Variants in KIAA1217 observed in about 807,000 individuals in gnomAD.
KIAA1217 encodes the protein sickle tail protein homolog.
A neutral mutation model predicts 163.9 loss-of-function variants in KIAA1217; 88 were observed. The ratio of observed to expected loss-of-function variants is 0.54; its 90% CI spans 0.45 to 0.64. The LOEUF (loss-of-function observed/expected upper bound fraction) is 0.64, where lower values mean the gene tolerates loss of function less well. Among genes scored for constraint, KIAA1217 ranks in the 30% least tolerant of loss-of-function variants. KIAA1217 has a pLI of 0.00. For missense variants in KIAA1217, 2,372 were observed against 2,475.0 expected, an observed-to-expected ratio of 0.96 and a Z score of 0.88; for synonymous variants, 903 against 923.1, an observed-to-expected ratio of 0.98 and a Z score of 0.39.
At chr10:23,927,267 T>C (rs1843061284) in intron 1 of KIAA1217, among the ~76,000 whole-genome samples, 1 of 152,026 alleles carries the variant, frequency 6.6e-6, no homozygotes, top group Non-Finnish European at 1.5e-5. Context: ...CTATAAGTTA[T>C]TTCTGTTCCA....
intron 2 of KIAA1217, among the ~76,000 whole-genome samples, chr10:24,176,651 C>G (rs1217362466): frequency 6.6e-6 from 1 of 152,262 alleles, no homozygotes; most frequent in Non-Finnish European, 1.5e-5. Flanking sequence ...GACTCAGGAG[C>G]CCAGCTGGCT....
intron 3 of KIAA1217, among the ~76,000 whole-genome samples, chr10:24,408,307 A>T (rs2057422498): frequency 6.6e-6 from 1 of 152,172 alleles, no homozygotes; most frequent in Non-Finnish European, 1.5e-5. Context: ...AAAATAAATC[A>T]TGAGCTATCA....
At chr10:24,324,776 A>G (rs1314940318) in intron 2 of KIAA1217, among the ~76,000 whole-genome samples, 1 of 152,120 alleles carries the variant, frequency 6.6e-6, no homozygotes, top group Non-Finnish European at 1.5e-5. Context: ...TGTGATGTTA[A>G]TACTTGTCTG....
At chr10:24,214,657 G>A (rs2068584878) in intron 1 of KIAA1217, among the ~76,000 whole-genome samples, 2 of 152,000 alleles carry the variant, frequency 1.3e-5, no homozygotes, top group South Asian at 2.1e-4. Context: ...TCTCTGCCAC[G>A]GTACACCCAG....
chr10:23,946,736 G>C (rs528070015), intron 1 of KIAA1217, among the ~76,000 whole-genome samples: 2 of 152,218 alleles, frequency 1.3e-5, no homozygotes, highest in African/African-American at 4.8e-5. Flanking sequence ...CTTTCTGATA[G>C]GTAAAACATT....
chr10:24,135,523 G>A (rs912222879), intron 2 of KIAA1217, among the ~76,000 whole-genome samples: 8 of 151,884 alleles, frequency 5.3e-5, no homozygotes, highest in Admixed American at 2.6e-4. Flanking sequence ...TAATGGGGAG[G>A]AGACATGCCA....
At chr10:23,803,365 G>T (rs1299314761) in intron 1 of KIAA1217, among the ~76,000 whole-genome samples, 1 of 152,194 alleles carries the variant, frequency 6.6e-6, no homozygotes, top group Non-Finnish European at 1.5e-5. Flanking sequence ...TCCCAGAAGG[G>T]GTTATGCCCC....
intron 2 of KIAA1217, among the ~76,000 whole-genome samples, chr10:24,329,907 A>G (rs2045436602): frequency 6.6e-6 from 1 of 152,178 alleles, no homozygotes; most frequent in African/African-American, 2.4e-5. Flanking sequence ...GAAATTATGG[A>G]AAATGGAGGC....
chr10:24,243,359 A>G (rs1006778686), intron 2 of KIAA1217, among the ~76,000 whole-genome samples: 1 of 152,086 alleles, frequency 6.6e-6, no homozygotes, highest in Non-Finnish European at 1.5e-5. Flanking sequence ...TAGTGCACCC[A>G]TTATTCAACT....
intron 1 of KIAA1217, among the ~76,000 whole-genome samples, chr10:23,855,800 G>T (rs901269326): frequency 1.4e-4 from 22 of 151,902 alleles, no homozygotes; most frequent in African/African-American, 5.3e-4. Context: ...CCAGTTGATC[G>T]CATCGGCTCC....
At chr10:23,751,326 C>T (rs1234682398) in intron 1 of KIAA1217, among the ~76,000 whole-genome samples, 1 of 152,046 alleles carries the variant, frequency 6.6e-6, no homozygotes, top group Non-Finnish European at 1.5e-5. Context: ...CCGTGCCTGG[C>T]GAGAATTTTC....
At chr10:24,333,008 A>G (rs1431107082) in intron 2 of KIAA1217, among the ~76,000 whole-genome samples, 2 of 152,048 alleles carry the variant, frequency 1.3e-5, no homozygotes, top group African/African-American at 4.8e-5. Context: ...AGGGCAGAGT[A>G]TGTACTGTTT....
chr10:24,107,982 G>A (rs2062696782), intron 2 of KIAA1217, among the ~76,000 whole-genome samples: 1 of 152,160 alleles, frequency 6.6e-6, no homozygotes, highest in African/African-American at 2.4e-5. Context: ...TGGCAGGATG[G>A]GGTTGTCCAG....
Position 24,428,675 on chromosome 10 carries a change from A to C in KIAA1217, c.554-4320A>C, listed in dbSNP as rs143818436. ...ATATTTATTGAGAAACTACTATGTA[A>C]CAGGTAGTCTCATAGGTACTAAGGA... On this transcript the variant is annotated intron_variant, in intron 3 of 20. Coordinates refer to ENST00000376454, the MANE Select transcript of KIAA1217 (RefSeq NM_019590.5). Among the ~76,000 whole-genome samples the C allele has an allele frequency of 9.0e-3, 1,374 of 152,232 alleles. 14 individuals are homozygous for C. Among genetic ancestry groups the C allele is most frequent in the Non-Finnish European group, 0.011 (723 of 68,022 alleles).
At chr10:24,334,365 C>A (rs745686283) in intron 2 of KIAA1217, among the ~76,000 whole-genome samples, 1 of 147,738 alleles carries the variant, frequency 6.8e-6, no homozygotes, top group Non-Finnish European at 1.5e-5. Context: ...TATAGTGAGA[C>A]CCTGTGTCTT....
At chr10:24,274,793 A>G (rs1374715953) in intron 2 of KIAA1217, among the ~76,000 whole-genome samples, 1 of 152,180 alleles carries the variant, frequency 6.6e-6, no homozygotes, top group Non-Finnish European at 1.5e-5. Context: ...TTAGCATTGA[A>G]CTAAGCTTAT....
chr10:24,460,983 C>T (rs1425227025), intron 5 of KIAA1217, among the ~76,000 whole-genome samples: 7 of 152,196 alleles, frequency 4.6e-5, no homozygotes, highest in Non-Finnish European at 1.0e-4. Context: ...CAGAAACAGA[C>T]ATCCTGGGAT....
intron 2 of KIAA1217, among the ~76,000 whole-genome samples, chr10:24,343,030 T>C (rs2047295047): frequency 6.6e-6 from 1 of 152,208 alleles, no homozygotes; most frequent in African/African-American, 2.4e-5. Flanking sequence ...CCTATGCTAA[T>C]TTAAATGATT....
intron 1 of KIAA1217, among the ~76,000 whole-genome samples, chr10:23,797,615 A>G (rs1357030246): frequency 1.3e-5 from 2 of 152,168 alleles, no homozygotes; most frequent in African/African-American, 4.8e-5. Context: ...GTGAAGAGGA[A>G]GCAAGCACGT....
Sources: gnomAD v4.1 joint callset for allele counts (sites outside exome capture counted in the v4.1 genomes callset) on GRCh38, gnomAD v4.1.1 for gene constraint, MANE v1.5 for transcripts, NCBI Gene and HGNC (gene_info 2026-07-23, HGNC 2026-07-21) for gene names.